The following GABRG3 variants were observed in gnomAD, a reference collection of about 807,000 sequenced individuals.
GABRG3 encodes gamma-aminobutyric acid type A receptor subunit gamma3, also known as gamma-aminobutyric acid receptor subunit gamma-3.
A neutral mutation model predicts 48.8 loss-of-function variants in GABRG3; 25 were observed. The ratio of observed to expected loss-of-function variants is 0.51; its 90% CI spans 0.37 to 0.72. GABRG3 has a LOEUF of 0.72. GABRG3 is among the 30% of genes least tolerant of loss of function. The pLI is 0.00. For missense variants in GABRG3, 394 were observed against 577.9 expected (o/e 0.68, Z 3.26); for synonymous variants, 227 against 217.6 (o/e 1.04, Z -0.38).
chr15:27,115,046 A>G (rs557672767), intron 3 of GABRG3, among the ~76,000 whole-genome samples: 22 of 152,300 alleles, frequency 1.4e-4, no homozygotes, highest in South Asian at 6.2e-4. Flanking sequence ...TTTATCTTTC[A>G]TATTATCACA....
At chr15:27,177,262 A>G (rs1273696930) in intron 3 of GABRG3, among the ~76,000 whole-genome samples, 3 of 152,188 alleles carry the variant, frequency 2.0e-5, no homozygotes, top group Admixed American at 6.5e-5. Context: ...TGGTTGCCAC[A>G]ATGCAAAAGT....
At chr15:27,463,024 ATAT>A (rs773451967) in intron 5 of GABRG3, among the ~76,000 whole-genome samples, 8 of 152,204 alleles carry the variant, frequency 5.3e-5, no homozygotes, top group Non-Finnish European at 1.2e-4. Flanking sequence ...GTAAAAGTTA[ATAT>A]TATTGTTTAC....
At chr15:27,335,341 T>C (rs1893928911) in intron 5 of GABRG3, among the ~76,000 whole-genome samples, 1 of 152,190 alleles carries the variant, frequency 6.6e-6, no homozygotes, top group African/African-American at 2.4e-5. Context: ...GCTGCACCAC[T>C]TTACATTTTC....
At chr15:27,493,120 A>G (rs867419675) in intron 6 of GABRG3, among the ~76,000 whole-genome samples, 11 of 152,354 alleles carry the variant, frequency 7.2e-5, no homozygotes, top group Middle Eastern at 3.4e-3. Context: ...GCTTTAAAAA[A>G]TCTTTAAAAT....
chr15:27,017,120 TATTTA>T (rs1035580947), intron 2 of GABRG3, among the ~76,000 whole-genome samples: 1 of 152,206 alleles, frequency 6.6e-6, no homozygotes, highest in African/African-American at 2.4e-5. Flanking sequence ...AGTTTCAGGA[TATTTA>T]ATTTGTTACC....
chr15:27,064,883 T>C (rs1235815474), intron 3 of GABRG3, among the ~76,000 whole-genome samples: 1 of 152,238 alleles, frequency 6.6e-6, no homozygotes, highest in Non-Finnish European at 1.5e-5. Flanking sequence ...CCACCTTCTC[T>C]TCATGACCAT....
In GABRG3 at chr15:27,445,754, T is replaced by C. The variant is rs904827761; in HGVS notation, c.575-34896T>C. On this transcript the variant is annotated intron_variant, in intron 5 of 9. Coordinates refer to ENST00000615808, the MANE Select transcript of GABRG3 (RefSeq NM_033223.5). The stretch of plus-strand genomic sequence containing the variant: ...GAGGGTTTTTTTAACCTGAGACTTA[T>C]TGCTGTGTTTTCTTCTGAAAGTTTT... Among the ~76,000 whole-genome samples, 12 of 152,322 alleles carry C rather than the reference T, an allele frequency of 7.9e-5. No homozygotes were observed. The East Asian group carries it at 1.9e-3, about 24-fold the overall frequency.
intron 3 of GABRG3, among the ~76,000 whole-genome samples, chr15:27,165,818 G>C (rs1887351725): frequency 6.6e-6 from 1 of 152,140 alleles, no homozygotes; most frequent in African/African-American, 2.4e-5. Flanking sequence ...TGGGGCACCT[G>C]TCATACCTGT....
At chr15:27,051,030 A>G (rs1195640416) in intron 3 of GABRG3, among the ~76,000 whole-genome samples, 2 of 152,252 alleles carry the variant, frequency 1.3e-5, no homozygotes, top group Non-Finnish European at 2.9e-5. Context: ...CATAAAAGTC[A>G]TACAATGCTA....
intron 3 of GABRG3, among the ~76,000 whole-genome samples, chr15:27,176,957 A>G (rs1887765346): frequency 6.6e-6 from 1 of 152,166 alleles, no homozygotes; most frequent in South Asian, 2.1e-4. Flanking sequence ...AAAAGCCAAT[A>G]CACTGAGACA....
chr15:27,272,654 C>G (rs1473522690), intron 3 of GABRG3, among the ~76,000 whole-genome samples: 1 of 152,114 alleles, frequency 6.6e-6, no homozygotes, highest in African/African-American at 2.4e-5. Flanking sequence ...GTGCACCATT[C>G]CAGCCACCTC....
At chr15:27,461,589 C>G (rs1216377745) in intron 5 of GABRG3, among the ~76,000 whole-genome samples, 1 of 152,198 alleles carries the variant, frequency 6.6e-6, no homozygotes, top group Non-Finnish European at 1.5e-5. Context: ...GGGTGGCCAG[C>G]TTTTATTCCC....
intron 3 of GABRG3, among the ~76,000 whole-genome samples, chr15:27,169,783 G>A (rs989587956): frequency 2.6e-5 from 4 of 151,898 alleles, no homozygotes; most frequent in Non-Finnish European, 4.4e-5. Context: ...ATTACTGAAA[G>A]ACAAAGAAAA....
At chr15:27,432,658 T>C (rs986030982) in intron 5 of GABRG3, among the ~76,000 whole-genome samples, 28 of 152,332 alleles carry the variant, frequency 1.8e-4, no homozygotes, top group African/African-American at 6.0e-4. Context: ...TTTCCTAAAT[T>C]TAGCATCTTT....
chr15:27,423,242 TAAAAA>T (rs58007397), intron 5 of GABRG3, among the ~76,000 whole-genome samples: 13 of 74,754 alleles, frequency 1.7e-4, no homozygotes, highest in African/African-American at 5.7e-4. Flanking sequence ...GTCATTATGA[TAAAAA>T]AAAAAAAAAA....
chr15:27,227,244 G>C (rs2140444703), intron 3 of GABRG3, among the ~76,000 whole-genome samples: 1 of 152,244 alleles, frequency 6.6e-6, no homozygotes, highest in African/African-American at 2.4e-5. Flanking sequence ...CCAGGGCTTT[G>C]GGAGGCCAAG....
intron 5 of GABRG3, among the ~76,000 whole-genome samples, chr15:27,409,096 C>A (rs1456972271): frequency 6.6e-6 from 1 of 151,818 alleles, no homozygotes; most frequent in Non-Finnish European, 1.5e-5. Context: ...TTTGACAGAG[C>A]AAAATTTTAA....
intron 6 of GABRG3, among the ~76,000 whole-genome samples, chr15:27,498,178 C>CT (rs561936147): frequency 7.4e-4 from 113 of 151,932 alleles, no homozygotes; most frequent in Non-Finnish European, 1.5e-3. Flanking sequence ...CCTTCTCCCT[C>CT]TTTCTTTCTT....
In GABRG3 at chr15:27,180,083, C is replaced by G. The variant is rs1275146028; in HGVS notation, c.271-146726C>G. 6.6e-6 allele frequency among the ~76,000 whole-genome samples: 1 copy of G among 152,148 alleles called. No homozygotes were observed. The highest frequency in any genetic ancestry group is 1.9e-4 in the East Asian group (1 of 5,178). On this transcript the variant is annotated intron_variant, in intron 3 of 9. Transcript: ENST00000615808. The surrounding 1 kb of genome is among the most constrained non-coding windows in gnomAD (Gnocchi z 4.2). ...ACATCTCTGTGAGTCTTGGCCTTCC[C>G]CAGGAGACTGTGGGGCTCGTTGCAC...
Sources: gnomAD v4.1 joint callset for allele counts (sites outside exome capture counted in the v4.1 genomes callset) on GRCh38, gnomAD v4.1.1 for gene constraint, Gnocchi (gnomAD v3.1) non-coding constraint, MANE v1.5 for transcripts, NCBI Gene and HGNC (gene_info 2026-07-23, HGNC 2026-07-21) for gene names.